Variants in RDX observed in about 807,000 individuals in gnomAD.
RDX encodes deafness, autosomal recessive 24.
RDX carries 32 observed loss-of-function variants against 83.7 expected under a neutral mutation model. The ratio of observed to expected loss-of-function variants is 0.38; its 90% CI spans 0.29 to 0.51. RDX has a LOEUF of 0.51. Ranked by LOEUF, RDX falls within the 20% of genes least tolerant of loss-of-function variation. The pLI is 0.87. For missense variants in RDX, 600 were observed against 689.9 expected, an observed-to-expected ratio of 0.87 and a Z score of 1.46; for synonymous variants, 229 against 222.7, an observed-to-expected ratio of 1.03 and a Z score of -0.25.
chr11:110,205,769 G>T (rs142561110), intron 14 of RDX, among the ~76,000 whole-genome samples: 1 of 152,138 alleles, frequency 6.6e-6, no homozygotes, highest in African/African-American at 2.4e-5. Flanking sequence ...CGAAGATGTG[G>T]ATATAGCCTT....
downstream of RDX, among the ~76,000 whole-genome samples, chr11:110,228,400 G>A (rs956044787): frequency 6.6e-6 from 1 of 152,028 alleles, no homozygotes; most frequent in African/African-American, 2.4e-5. Context: ...CTAAGAAAAT[G>A]CTAAAGTTCT....
At chr11:110,223,013 C>CA (rs1864304866) in intron 14 of RDX, among the ~76,000 whole-genome samples, 1 of 152,088 alleles carries the variant, frequency 6.6e-6, no homozygotes, top group Non-Finnish European at 1.5e-5. Context: ...CTTTTACATA[C>CA]AATGAACGAT....
intron 14 of RDX, among the ~76,000 whole-genome samples, chr11:110,223,141 A>G (rs1377964906): frequency 1.3e-5 from 2 of 152,146 alleles, no homozygotes; most frequent in Non-Finnish European, 2.9e-5. Flanking sequence ...ACTTGAGGTC[A>G]GGAGGTCAAA....
chr11:110,176,181 G>C (rs113599141), intron 15 of RDX, among the ~76,000 whole-genome samples: 1,539 of 151,724 alleles, frequency 0.01, 25 homozygotes, highest in African/African-American at 0.035. Context: ...TGCCTCCCAG[G>C]TTCAAGAAAG....
rs772146113 is a variant in RDX at position 110,237,608 on chromosome 11, G to A, written c.1135C>T (p.Arg379Ter). The change falls in exon 11 of 14, where the codon CGA becomes TGA. Residue 379 changes from arginine to a stop codon, truncating the protein, a stop_gained. Coordinates refer to ENST00000645495, the MANE Select transcript of RDX (RefSeq NM_002906.4). LOFTEE classifies it high-confidence loss of function. ...TRKALELDQE[R>*]KRAKEEAERL... ...TCTGCTTCTTCTTTTGCTCGTTTTC[G>A]TTCTTGATCCAGTTCTAGAGCTTTT... The A allele has an allele frequency of 3.7e-6, 6 of 1,613,876 alleles. No individual in the cohort carries two copies. Among genetic ancestry groups the A allele is most frequent in the Non-Finnish European group, 4.2e-6 (5 of 1,180,018 alleles).
intron 14 of RDX, among the ~76,000 whole-genome samples, chr11:110,209,916 T>TA (rs1863768650): frequency 6.7e-6 from 1 of 148,676 alleles, no homozygotes; most frequent in African/African-American, 2.5e-5. Context: ...CTGGAAACTC[T>TA]AAAAAGCAGA....
chr11:110,218,550 C>G (rs1434216721), intron 14 of RDX, among the ~76,000 whole-genome samples: 2 of 152,190 alleles, frequency 1.3e-5, no homozygotes, highest in African/African-American at 4.8e-5. Context: ...GCATTCCAAA[C>G]TCAAATTGTC....
intron 15 of RDX, among the ~76,000 whole-genome samples, chr11:110,188,583 A>T (rs1418697504): frequency 1.3e-5 from 2 of 152,062 alleles, no homozygotes; most frequent in Non-Finnish European, 2.9e-5. Context: ...TGATGGGTGG[A>T]CCTAAATCCC....
chr11:110,215,497 A>G (rs1320120847), intron 14 of RDX, among the ~76,000 whole-genome samples: 1 of 152,172 alleles, frequency 6.6e-6, no homozygotes, highest in Non-Finnish European at 1.5e-5. Context: ...CTCATCTTGA[A>G]AACAGGAGCA....
At chr11:110,279,486 A>AC (rs1166803521) in intron 2 of RDX, among the ~76,000 whole-genome samples, 195 bp downstream of exon 2, 3 of 152,210 alleles carry the variant, frequency 2.0e-5, no homozygotes, top group African/African-American at 7.2e-5. Context: ...ACATGGTCCC[A>AC]CTGCGCTCCA....
At position 110,296,525 on chromosome 11, in the gene RDX, G is replaced by C. The variant is rs1436186139; in HGVS notation, c.-123C>G. 3 of 151,508 alleles carry C rather than the reference G, an allele frequency of 2.0e-5. No individual in the cohort carries two copies. Among genetic ancestry groups the C allele is most frequent in the Admixed American group, 6.6e-5 (1 of 15,194 alleles). The allele number at this position is 151,508 out of a possible 1,614,324, so 9.4% of individuals were successfully genotyped here. A position where few individuals can be genotyped will look rare whatever the true frequency, so the allele number is the denominator to read the frequency against. Reference sequence around the variant, plus strand: ...TGGCTGGGGCGCTGCGCGGCGGCGCGGCTGCGACAGGGAGGGAGAAGCGGT... The same window carrying C: ...TGGCTGGGGCGCTGCGCGGCGGCGCCGCTGCGACAGGGAGGGAGAAGCGGT... On this transcript the variant is annotated 5_prime_UTR_variant, in exon 1 of 14. Transcript: ENST00000645495.
chr11:110,217,567 C>T (rs1457263415), intron 14 of RDX, among the ~76,000 whole-genome samples: 1 of 152,228 alleles, frequency 6.6e-6, no homozygotes, highest in East Asian at 1.9e-4. Flanking sequence ...TCCTAACCGA[C>T]AGCCCAAGAC....
At chr11:110,291,214 A>C (rs1209183888) in intron 1 of RDX, among the ~76,000 whole-genome samples, 1 of 151,944 alleles carries the variant, frequency 6.6e-6, no homozygotes, top group Admixed American at 6.6e-5. Context: ...AGTCTTAGCT[A>C]CTCCAGAGGC....
intron 1 of RDX, among the ~76,000 whole-genome samples, chr11:110,286,463 C>A (rs1860981284): frequency 6.6e-6 from 1 of 152,232 alleles, no homozygotes; most frequent in Non-Finnish European, 1.5e-5. Flanking sequence ...TAGCCTCATG[C>A]TCGACACATT....
At chr11:110,212,165 C>G (rs1393190220) in intron 14 of RDX, among the ~76,000 whole-genome samples, 1 of 150,536 alleles carries the variant, frequency 6.6e-6, no homozygotes, top group Non-Finnish European at 1.5e-5. Context: ...CACCACCGAT[C>G]CCACAGAAAT....
At chr11:110,227,412 T>C (rs757330486), downstream of RDX, among the ~76,000 whole-genome samples, 1 of 152,068 alleles carries the variant, frequency 6.6e-6, no homozygotes, top group African/African-American at 2.4e-5. Flanking sequence ...CTAAATGGCA[T>C]GCATAAATAT....
At chr11:110,218,081 C>A (rs1224417905) in intron 14 of RDX, among the ~76,000 whole-genome samples, 2 of 152,186 alleles carry the variant, frequency 1.3e-5, no homozygotes, top group African/African-American at 4.8e-5. Context: ...AACAGATTTT[C>A]ACTTTACTAG....
intron 2 of RDX, among the ~76,000 whole-genome samples, chr11:110,278,793 T>C (rs1020966892): frequency 2.0e-5 from 3 of 151,562 alleles, no homozygotes; most frequent in East Asian, 1.9e-4. Context: ...TTATCCGTGC[T>C]AGAAAATCCC....
chr11:110,281,378 T>C (rs1475320789), intron 1 of RDX, among the ~76,000 whole-genome samples: 1 of 151,668 alleles, frequency 6.6e-6, no homozygotes, highest in African/African-American at 2.4e-5. Flanking sequence ...TGGAGTGCAG[T>C]GCTCGCAGTG....
Sources: gnomAD v4.1 joint callset for allele counts (sites outside exome capture counted in the v4.1 genomes callset) on GRCh38, gnomAD v4.1.1 for gene constraint, MANE v1.5 for transcripts, NCBI Gene and HGNC (gene_info 2026-07-23, HGNC 2026-07-21) for gene names.